Variants in CACNA2D3 observed in about 807,000 individuals in gnomAD.
The protein encoded by CACNA2D3 is calcium voltage-gated channel auxiliary subunit alpha2delta 3.
In CACNA2D3, 60 loss-of-function variants were observed where a neutral mutation model predicts 160.6. That is an observed-to-expected ratio of 0.37 (90% confidence interval 0.30 to 0.46). The LOEUF is 0.46. CACNA2D3 is among the 20% of genes least tolerant of loss of function. The probability of loss-of-function intolerance (pLI) is 1.00; values close to 1 mark genes in which losing one functional copy is unlikely to be tolerated. For synonymous variants in CACNA2D3, 558 were observed against 492.9 expected (o/e 1.13, Z -1.75); for missense variants, 1,205 against 1,365.0 (o/e 0.88, Z 1.85).
At chr3:54,979,900 C>T (rs1177293005) in intron 29 of CACNA2D3, among the ~76,000 whole-genome samples, 1 of 152,132 alleles carries the variant, frequency 6.6e-6, no homozygotes, top group South Asian at 2.1e-4. Flanking sequence ...CTATTAAAGC[C>T]ACAATTGATA....
At chr3:54,379,388 T>A (rs201306210) in intron 3 of CACNA2D3, among the ~76,000 whole-genome samples, 1 of 152,262 alleles carries the variant, frequency 6.6e-6, no homozygotes, top group East Asian at 1.9e-4. Flanking sequence ...GTTGGTGATT[T>A]ATATGTGCCA....
chr3:54,611,762 A>G (rs1443874047), intron 9 of CACNA2D3, among the ~76,000 whole-genome samples: 1 of 152,166 alleles, frequency 6.6e-6, no homozygotes, highest in Admixed American at 6.5e-5. Flanking sequence ...TGAAAATTAT[A>G]TTCAGATTTT....
chr3:54,403,072 A>G (rs910820675), intron 4 of CACNA2D3, among the ~76,000 whole-genome samples: 1 of 152,130 alleles, frequency 6.6e-6, no homozygotes, highest in Non-Finnish European at 1.5e-5. Flanking sequence ...TATCTTAGCA[A>G]TATCTTGGCC....
intron 30 of CACNA2D3, among the ~76,000 whole-genome samples, chr3:54,987,341 T>C (rs1702636535): frequency 6.6e-6 from 1 of 152,186 alleles, no homozygotes; most frequent in African/African-American, 2.4e-5. Context: ...TATGAAGTAG[T>C]GTTTTAATCA....
chr3:54,515,205 A>T (rs933406791), intron 5 of CACNA2D3, among the ~76,000 whole-genome samples: 6 of 150,890 alleles, frequency 4.0e-5, no homozygotes, highest in African/African-American at 9.7e-5. Context: ...TGTGTGAGAG[A>T]GAGAGAGAGA....
At chr3:54,958,362 C>T (rs548490444) in intron 27 of CACNA2D3, among the ~76,000 whole-genome samples, 20 of 152,306 alleles carry the variant, frequency 1.3e-4, no homozygotes, top group Middle Eastern at 3.4e-3. Flanking sequence ...CACTGCACTC[C>T]AGCCTGGGCG....
chr3:54,133,608 G>T (rs1277161312), intron 2 of CACNA2D3, among the ~76,000 whole-genome samples: 1 of 152,144 alleles, frequency 6.6e-6, no homozygotes, highest in Non-Finnish European at 1.5e-5. Flanking sequence ...GAACATAAAG[G>T]GGTAAGAGCT....
At chr3:54,293,308 A>G (rs1703252710) in intron 2 of CACNA2D3, among the ~76,000 whole-genome samples, 1 of 152,180 alleles carries the variant, frequency 6.6e-6, no homozygotes, top group Non-Finnish European at 1.5e-5. Context: ...TCACCTGAGC[A>G]GTATACACGG....
Position 55,068,084 on chromosome 3 carries a change from G to T in CACNA2D3, c.2988-5361G>T, listed in dbSNP as rs146510718. 5.9e-5 allele frequency among the ~76,000 whole-genome samples: 9 copies of T among 152,174 alleles called. No individual in the cohort carries two copies. In the South Asian group the frequency reaches 1.2e-3, roughly 21 times the overall value. On this transcript the variant is annotated intron_variant, in intron 35 of 37. Transcript: ENST00000474759. ...CTCTGTCTCCCACTGATGGTGTAGCGAGGAGGACCACACTTGAGGGTCCTC... is the reference window on the plus strand; with the variant it reads ...CTCTGTCTCCCACTGATGGTGTAGCTAGGAGGACCACACTTGAGGGTCCTC...
At chr3:54,562,716 A>C in intron 5 of CACNA2D3, 84 bp from the exon 6 acceptor site, 1 of 1,193,280 alleles carries the variant, frequency 8.4e-7, no homozygotes, top group Non-Finnish European at 1.2e-6. Flanking sequence ...TTGTGCCAGT[A>C]TCTGCCAAGC....
At chr3:54,222,622 C>G (rs1701596794) in intron 2 of CACNA2D3, among the ~76,000 whole-genome samples, 1 of 152,212 alleles carries the variant, frequency 6.6e-6, no homozygotes, top group Admixed American at 6.5e-5. Context: ...TCTAATCCCA[C>G]TACAATGTCT....
intron 2 of CACNA2D3, among the ~76,000 whole-genome samples, chr3:54,314,366 T>A (rs72629145): frequency 6.6e-6 from 1 of 152,228 alleles, no homozygotes; most frequent in Non-Finnish European, 1.5e-5. Flanking sequence ...ACTATAAGCA[T>A]GTGTGTGCAA....
intron 5 of CACNA2D3, among the ~76,000 whole-genome samples, chr3:54,553,729 G>A (rs1254450294): frequency 1.3e-5 from 2 of 152,216 alleles, no homozygotes; most frequent in African/African-American, 4.8e-5. Context: ...ATTCGGTGGA[G>A]AATAAATGGT....
At chr3:54,711,534 C>T (rs1280649428) in intron 11 of CACNA2D3, among the ~76,000 whole-genome samples, 1 of 152,182 alleles carries the variant, frequency 6.6e-6, no homozygotes, top group Admixed American at 6.5e-5. Flanking sequence ...TTCCCTACCC[C>T]CACACAGGCA....
At chr3:54,184,337 C>T (rs540979871) in intron 2 of CACNA2D3, among the ~76,000 whole-genome samples, 1 of 152,320 alleles carries the variant, frequency 6.6e-6, no homozygotes, top group Non-Finnish European at 1.5e-5. Flanking sequence ...GTAGCCACTT[C>T]CTATGTGTGT....
At chr3:54,218,614 CT>C in intron 2 of CACNA2D3, among the ~76,000 whole-genome samples, 1 of 152,162 alleles carries the variant, frequency 6.6e-6, no homozygotes. Flanking sequence ...GTGTTAGTTT[CT>C]TTTTGCTGCT....
chr3:54,341,054 T>G (rs941614441), intron 3 of CACNA2D3, among the ~76,000 whole-genome samples: 1 of 152,210 alleles, frequency 6.6e-6, no homozygotes, highest in African/African-American at 2.4e-5. Context: ...GCTGGTGGCT[T>G]GCCCTGGACT....
intron 3 of CACNA2D3, among the ~76,000 whole-genome samples, chr3:54,380,186 T>A (rs1012937356): frequency 6.6e-6 from 1 of 152,208 alleles, no homozygotes; most frequent in African/African-American, 2.4e-5. Flanking sequence ...AACAAATCAA[T>A]CTCATTTTGC....
chr3:54,493,368 C>T (rs868800648), intron 4 of CACNA2D3, among the ~76,000 whole-genome samples: 1 of 152,128 alleles, frequency 6.6e-6, no homozygotes, highest in Non-Finnish European at 1.5e-5. Flanking sequence ...TGAGCAACCG[C>T]GCATGGCCTC....
Sources: gnomAD v4.1 joint callset for allele counts (sites outside exome capture counted in the v4.1 genomes callset) on GRCh38, gnomAD v4.1.1 for gene constraint, MANE v1.5 for transcripts, NCBI Gene and HGNC (gene_info 2026-07-23, HGNC 2026-07-21) for gene names.